Variants in GTF2IRD1 observed in about 807,000 individuals in gnomAD.
GTF2IRD1 encodes general transcription factor II-I repeat domain-containing protein 1.
A neutral mutation model predicts 113.2 loss-of-function variants in GTF2IRD1; 26 were observed. The observed-to-expected ratio is 0.23, with a 90% CI of 0.17 to 0.32. The LOEUF (loss-of-function observed/expected upper bound fraction) is 0.32, where lower values mean the gene tolerates loss of function less well. GTF2IRD1 is among the 10% of genes least tolerant of loss of function. GTF2IRD1 has a pLI of 1.00. For missense variants in GTF2IRD1, 864 were observed against 1,280.8 expected (o/e 0.67, Z 4.97); for synonymous variants, 484 against 529.1 (o/e 0.91, Z 1.17).
At chr7:74,569,568 C>T (rs1188182149) in intron 22 of GTF2IRD1, among the ~76,000 whole-genome samples, 7 of 152,138 alleles carry the variant, frequency 4.6e-5, no homozygotes, top group South Asian at 2.1e-4. Flanking sequence ...GTGGCACTGG[C>T]GGTTTTTCCA....
intron 8 of GTF2IRD1, among the ~76,000 whole-genome samples, chr7:74,525,624 C>G (rs142145835): frequency 1.9e-4 from 29 of 152,162 alleles, no homozygotes; most frequent in African/African-American, 6.5e-4. Flanking sequence ...GGCATGGTGG[C>G]ATGCACCTGT....
chr7:74,490,936 T>C lies in GTF2IRD1; in HGVS notation c.-6-17139T>C, dbSNP rs145616257. 4.5e-3 allele frequency among the ~76,000 whole-genome samples: 683 copies of C among 152,162 alleles called. 5 individuals are homozygous for C. The highest frequency in any genetic ancestry group is 0.016 in the African/African-American group (658 of 41,486). ...TGTGGACTGTCTTTGTGAGGTGGGG[T>C]ACAGCCAGTGAAGGAGCCAGTGTTA... On this transcript the variant is annotated intron_variant, in intron 1 of 26. Transcript: ENST00000424337.
chr7:74,476,181 G>C (rs1794394775), intron 1 of GTF2IRD1, among the ~76,000 whole-genome samples: 1 of 152,132 alleles, frequency 6.6e-6, no homozygotes, highest in Non-Finnish European at 1.5e-5. Context: ...TCTGTAAAAT[G>C]GGATGGCGTA....
intron 1 of GTF2IRD1, among the ~76,000 whole-genome samples, chr7:74,503,815 A>G (rs561315026): frequency 6.6e-6 from 1 of 152,292 alleles, no homozygotes; most frequent in South Asian, 2.1e-4. Context: ...ACAAAGGTAT[A>G]TTGTACGATG....
At chr7:74,591,480 C>T (rs782077401) in intron 24 of GTF2IRD1, among the ~76,000 whole-genome samples, 12 of 148,896 alleles carry the variant, frequency 8.1e-5, no homozygotes, top group Non-Finnish European at 1.2e-4. Context: ...CTGAGTTCAA[C>T]CGATTCTCGT....
rs967509728 is a variant in GTF2IRD1, at chr7:74,512,076, G to A, written c.124-754G>A. On this transcript the variant is annotated intron_variant, in intron 2 of 26. Coordinates refer to ENST00000424337, the MANE Select transcript of GTF2IRD1 (RefSeq NM_005685.4). This position sits in a 1 kb window ranked among gnomAD's most constrained non-coding sequence, Gnocchi z 4.4. ...TTCTATAGACGTGGAAACTGGCCACGCAGAGTGGCTCACGCCTGTAATCCC... is the reference window on the plus strand; with the variant it reads ...TTCTATAGACGTGGAAACTGGCCACACAGAGTGGCTCACGCCTGTAATCCC... 6.6e-5 allele frequency among the ~76,000 whole-genome samples: 10 copies of A among 152,342 alleles called. No individual in the cohort carries two copies. In the East Asian group the frequency reaches 9.6e-4, roughly 15 times the overall value.
rs1418989094 is a variant in GTF2IRD1, at chr7:74,520,961, C to T, written c.917-247C>T. On this transcript the variant is annotated intron_variant, in intron 6 of 26. Transcript: ENST00000424337. ...ATACATGTAAAACAAGTGTTCTTAC[C>T]TGGAAAAGGTAACCTCCGACATCCC... Among the ~76,000 whole-genome samples, 10 of 151,140 alleles carry T rather than the reference C, an allele frequency of 6.6e-5. No homozygotes were observed. The South Asian group carries it at 2.1e-3, about 32-fold the overall frequency.
At chr7:74,468,874 G>A (rs1793910783) in intron 1 of GTF2IRD1, among the ~76,000 whole-genome samples, 1 of 151,928 alleles carries the variant, frequency 6.6e-6, no homozygotes, top group African/African-American at 2.4e-5. Flanking sequence ...CATGAGGTCA[G>A]GAGAGCGAGA....
chr7:74,518,058 C>A (rs1333204158), intron 4 of GTF2IRD1, 81 bp from the exon 5 acceptor site: 1 of 1,024,940 alleles, frequency 9.8e-7, no homozygotes, highest in Non-Finnish European at 1.4e-6. Context: ...CAGCACTGCC[C>A]CCACTCTGGG....
At chr7:74,510,148 T>C (rs528207956) in intron 2 of GTF2IRD1, among the ~76,000 whole-genome samples, 1 of 152,068 alleles carries the variant, frequency 6.6e-6, no homozygotes, top group Non-Finnish European at 1.5e-5. Flanking sequence ...CTCTCCATGA[T>C]GACCCCTCCC....
intron 19 of GTF2IRD1, 91 bp from the exon 20 acceptor site, chr7:74,557,548 T>C (rs1554357409): frequency 2.5e-6 from 2 of 798,448 alleles, no homozygotes; most frequent in Non-Finnish European, 4.1e-6. Flanking sequence ...GGAGAAGGAG[T>C]TCCCCATAAT....
At chr7:74,498,728 C>CTT (rs1554338686) in intron 1 of GTF2IRD1, among the ~76,000 whole-genome samples, 3 of 144,324 alleles carry the variant, frequency 2.1e-5, no homozygotes, top group African/African-American at 5.1e-5. Context: ...TCCTGTAGTT[C>CTT]TTTTTTTTTT....
Position 74,482,223 on chromosome 7 carries a change from CTTTTTTTTTTT to C in GTF2IRD1, c.-6-25839_-6-25829del, listed in dbSNP as rs5884948. On this transcript the variant is annotated intron_variant, in intron 1 of 26. Transcript: ENST00000424337. ...TCCCAATACCTGATGTCTCCTAAAA[CTTTTTTTTTTT>C]TTTTTTTTTTTTGAGACGGGCCTCC... is the stretch of plus-strand genomic sequence containing the variant. 9.3e-5 allele frequency among the ~76,000 whole-genome samples: 10 copies of C among 107,978 alleles called. No homozygotes were observed. The East Asian group carries it at 2.6e-3, about 28-fold the overall frequency. 70.8% of individuals were successfully genotyped at this position (107,978 alleles called of 152,430 possible).
In GTF2IRD1 at chr7:74,519,598, C is replaced by T. The variant is rs782391429; in HGVS notation, c.795C>T (p.His265=). The T allele has an allele frequency of 2.4e-5, 38 of 1,612,642 alleles. No homozygotes were observed. The East Asian group carries it at 3.8e-4, about 16-fold the overall frequency. The part of the protein sequence containing the change: ...SFLYSTALPN[H]AIRELKQEAP... ...TGTACAGCACGGCGCTCCCCAACCA[C>T]GCCATCCGAGAGCTCAAGCAGGAAG... The change falls in exon 6 of 27, where the codon CAC becomes CAT. Residue 265 remains histidine, a synonymous_variant. Coordinates refer to ENST00000424337, the MANE Select transcript of GTF2IRD1 (RefSeq NM_005685.4).
chr7:74,594,681 G>A (rs1489241835), intron 24 of GTF2IRD1, among the ~76,000 whole-genome samples: 5 of 152,190 alleles, frequency 3.3e-5, no homozygotes, highest in African/African-American at 4.8e-5. Context: ...CTCCGGGCGC[G>A]ATGGCTCATG....
chr7:74,493,628 T>C (rs1257133121), intron 1 of GTF2IRD1, among the ~76,000 whole-genome samples: 1 of 152,114 alleles, frequency 6.6e-6, no homozygotes, highest in Non-Finnish European at 1.5e-5. Flanking sequence ...GCCATTCTAG[T>C]AGACAGGTTC....
rs781938937 is a variant in GTF2IRD1 at position 74,519,516 on chromosome 7, A to T, written c.713A>T (p.Lys238Met). Residue 238 changes from lysine (K) to methionine (M), a missense_variant, in exon 6 of 27, where the codon AAG becomes ATG. Lys to Met is a moderately conservative substitution (Grantham distance 95). This residue lies in a region of GTF2IRD1 where 195 missense variants were observed against 196.6 expected (regional missense o/e 0.99). Coordinates refer to ENST00000424337, the MANE Select transcript of GTF2IRD1 (RefSeq NM_005685.4). ...RDCGLHGQAP[K>M]VPPQDLPPTA... ...TGTGGCCTGCATGGCCAGGCCCCCAAGGTGCCACCCCAGGACCTGCCCCCA... is the reference window on the plus strand; with the variant it reads ...TGTGGCCTGCATGGCCAGGCCCCCATGGTGCCACCCCAGGACCTGCCCCCA... 25 of 1,611,010 alleles carry T rather than the reference A, an allele frequency of 1.6e-5. No homozygotes were observed. In the South Asian group the frequency reaches 2.5e-4, roughly 16 times the overall value.
At chr7:74,504,510 T>C (rs1231381753) in intron 1 of GTF2IRD1, among the ~76,000 whole-genome samples, 2 of 152,120 alleles carry the variant, frequency 1.3e-5, no homozygotes, top group Non-Finnish European at 2.9e-5. Context: ...CCTGCATCCC[T>C]GTGAATGTGA....
chr7:74,560,352 TG>T (rs2130790686), intron 22 of GTF2IRD1, among the ~76,000 whole-genome samples: 1 of 151,998 alleles, frequency 6.6e-6, no homozygotes, highest in South Asian at 2.1e-4. Context: ...GAGGGGTGTC[TG>T]CATGGGGACC....
Sources: allele counts gnomAD v4.1 joint callset (sites outside exome capture counted in the v4.1 genomes callset), GRCh38; gene constraint gnomAD v4.1.1; regional missense constraint gnomAD v4.1.1; non-coding constraint Gnocchi (gnomAD v3.1); transcripts MANE v1.5; gene names NCBI Gene and HGNC (gene_info 2026-07-23, HGNC 2026-07-21).